The following RIPK2 variants were observed in gnomAD, a reference collection of about 807,000 sequenced individuals.
RIPK2 encodes receptor-interacting serine/threonine-protein kinase 2.
A neutral mutation model predicts 60.9 loss-of-function variants in RIPK2; 38 were observed. That is an observed-to-expected ratio of 0.62 (90% confidence interval 0.48 to 0.82). The LOEUF (loss-of-function observed/expected upper bound fraction) is 0.82, where lower values mean the gene tolerates loss of function less well. Among genes scored for constraint, RIPK2 ranks in the 40% least tolerant of loss-of-function variants. The pLI is 0.00. For missense variants in RIPK2, 518 were observed against 647.0 expected, an observed-to-expected ratio of 0.80 and a Z score of 2.16; for synonymous variants, 225 against 223.4, an observed-to-expected ratio of 1.01 and a Z score of -0.06.
At chr8:89,767,229 A>G (rs954518523) in intron 3 of RIPK2, among the ~76,000 whole-genome samples, 1 of 151,834 alleles carries the variant, frequency 6.6e-6, no homozygotes, top group Non-Finnish European at 1.5e-5. Context: ...CAGCTATACT[A>G]TATCTAACTG....
chr8:89,788,691 C>T (rs977220742), intron 9 of RIPK2, among the ~76,000 whole-genome samples: 6 of 151,956 alleles, frequency 3.9e-5, no homozygotes. Flanking sequence ...GCAGGAGAAT[C>T]GCTTGAACCT....
In RIPK2 at chr8:89,789,238, C is replaced by CT. The variant is rs139854363; in HGVS notation, c.1124-82dup. ...AACTAAAGACATTGGAGCCTACCTT[C>CT]TGTCTGCTCAGATGTTGACATGTTA... On this transcript the variant is annotated intron_variant, in intron 9 of 10. Transcript: ENST00000220751. The CT allele has an allele frequency of 1.3e-3, 1,564 of 1,173,726 alleles. 25 individuals are homozygous for CT. In the East Asian group the frequency reaches 0.033, roughly 25 times the overall value. The allele number at this position is 1,173,726 out of a possible 1,614,324, so 72.7% of individuals were successfully genotyped here.
chr8:89,771,310 A>T (rs1051106036), intron 4 of RIPK2, among the ~76,000 whole-genome samples: 9 of 151,904 alleles, frequency 5.9e-5, no homozygotes, highest in African/African-American at 2.2e-4. Context: ...TGTAATTGAC[A>T]TCTGAAGTTA....
chr8:89,776,429 T>C (rs2130567921), intron 6 of RIPK2, among the ~76,000 whole-genome samples: 1 of 152,352 alleles, frequency 6.6e-6, no homozygotes, highest in Non-Finnish European at 1.5e-5. Context: ...TCTATTAGCA[T>C]TTACTGTATT....
chr8:89,789,845 C>T (rs558347193), intron 10 of RIPK2, among the ~76,000 whole-genome samples: 20 of 152,068 alleles, frequency 1.3e-4, no homozygotes, highest in African/African-American at 4.8e-4. Flanking sequence ...GTTTTTGCCC[C>T]GTGATTTATA....
chr8:89,767,832 C>G (rs1490421070), intron 3 of RIPK2, among the ~76,000 whole-genome samples: 2 of 151,798 alleles, frequency 1.3e-5, no homozygotes, highest in African/African-American at 4.8e-5. Context: ...TAGCTATGAG[C>G]TGTCTCCCAA....
intron 8 of RIPK2, among the ~76,000 whole-genome samples, chr8:89,786,193 G>T (rs1809584130): frequency 6.6e-6 from 1 of 152,082 alleles, no homozygotes; most frequent in Non-Finnish European, 1.5e-5. Flanking sequence ...AGTTTTGTAG[G>T]TTGGGCACAA....
Position 89,765,363 on chromosome 8 carries a change from C to T in RIPK2, c.350C>T (p.Ala117Val). The change falls in exon 3 of 11, where the codon GCT becomes GTT. Residue 117 changes from alanine to valine, a missense_variant. Ala to Val is a moderately conservative substitution (Grantham distance 64). Around this residue, in one of 3 missense-constraint regions of RIPK2, gnomAD observed 448 missense variants for 534.7 expected, o/e 0.84. Transcript: ENST00000220751. ...LHRKTEYPDV[A>V]WPLRFRILHE... Reference sequence around the variant, plus strand: ...AAGAAAACTGAATATCCTGATGTTGCTTGGCCATTGAGATTTCGCATCCTG... The same window carrying T: ...AAGAAAACTGAATATCCTGATGTTGTTTGGCCATTGAGATTTCGCATCCTG... The T allele has an allele frequency of 6.2e-7, 1 of 1,609,232 alleles. No individual in the cohort carries two copies. The highest frequency in any genetic ancestry group is 8.5e-7 in the Non-Finnish European group (1 of 1,177,046).
intron 1 of RIPK2, 118 bp downstream of exon 1, chr8:89,758,351 G>C (rs1809086011): frequency 8.5e-6 from 9 of 1,060,448 alleles, no homozygotes; most frequent in South Asian, 3.2e-5. Context: ...GCCTCACCTC[G>C]TCACCTCTAG....
At chr8:89,759,846 G>A (rs1809116345) in intron 1 of RIPK2, among the ~76,000 whole-genome samples, 1 of 152,176 alleles carries the variant, frequency 6.6e-6, no homozygotes, top group Admixed American at 6.5e-5. Context: ...CTCCCACTTT[G>A]GGTGCTGCTT....
chr8:89,765,765 TA>T (rs1809218223), intron 3 of RIPK2, among the ~76,000 whole-genome samples: 1 of 151,600 alleles, frequency 6.6e-6, no homozygotes, highest in Non-Finnish European at 1.5e-5. Flanking sequence ...CTTTTTTTTT[TA>T]CTTTTTATTT....
chr8:89,779,917 A>ATGTC, intron 6 of RIPK2, among the ~76,000 whole-genome samples, 158 bp from the exon 7 acceptor site: 1 of 152,272 alleles, frequency 6.6e-6, no homozygotes, highest in South Asian at 2.1e-4. Context: ...ATTGTTGCTT[A>ATGTC]TGTCTATCTT....
At chr8:89,775,760 G>C (rs1809387251) in intron 6 of RIPK2, among the ~76,000 whole-genome samples, 1 of 152,128 alleles carries the variant, frequency 6.6e-6, no homozygotes, top group Non-Finnish European at 1.5e-5. Flanking sequence ...TCCCTCTCAT[G>C]GCTTCTATTT....
At chr8:89,763,732 G>A (rs1680015134) in intron 2 of RIPK2, among the ~76,000 whole-genome samples, 1 of 152,124 alleles carries the variant, frequency 6.6e-6, no homozygotes, top group Admixed American at 6.6e-5. Flanking sequence ...GAAAGTGGGT[G>A]CCACTGTCAG....
At position 89,758,114 on chromosome 8, in the gene RIPK2, C is replaced by A; in HGVS notation, c.54C>A (p.Leu18=). 6.2e-7 allele frequency: 1 copy of A among 1,605,854 alleles called. No homozygotes were observed. Reference sequence around the variant, plus strand: ...TGCCCACCATTCCCTACCACAAACTCGCCGACCTGCGCTACCTGAGCCGCG... The same window carrying A: ...TGCCCACCATTCCCTACCACAAACTAGCCGACCTGCGCTACCTGAGCCGCG... ...SALPTIPYHK[L]ADLRYLSRGA... Residue 18 remains leucine, a synonymous_variant, in exon 1 of 11, where the codon CTC becomes CTA. Coordinates refer to ENST00000220751, the MANE Select transcript of RIPK2 (RefSeq NM_003821.6).
Position 89,775,521 on chromosome 8 carries a change from G to GA in RIPK2, c.853+2699dup, listed in dbSNP as rs1268490905. On this transcript the variant is annotated intron_variant, in intron 6 of 10. Transcript: ENST00000220751. ...TTTATCTGGAAAAAATACTCTACTGGAAAAAATGATCCAGTAGAGAGTCAG... is the reference window on the plus strand; with the variant it reads ...TTTATCTGGAAAAAATACTCTACTGGAAAAAAATGATCCAGTAGAGAGTCAG... Among the ~76,000 whole-genome samples the GA allele has an allele frequency of 3.3e-5, 5 of 152,154 alleles. No homozygotes were observed. The South Asian group carries it at 6.2e-4, about 19-fold the overall frequency.
In RIPK2 at chr8:89,790,772, A is replaced by T. The variant is rs1212954762; in HGVS notation, c.*356A>T. ...TGTTACTTGTCTAAGATGCAATTTG[A>T]TTTTATGAAGTATATACCCTTTACC... On this transcript the variant is annotated 3_prime_UTR_variant, in exon 11 of 11. Transcript: ENST00000220751. 1 of 193,714 alleles carries T rather than the reference A, an allele frequency of 5.2e-6. No individual in the cohort carries two copies. Among genetic ancestry groups the T allele is most frequent in the Non-Finnish European group, 1.1e-5 (1 of 93,656 alleles). 12.0% of individuals were successfully genotyped at this position (193,714 alleles called of 1,614,324 possible).
At chr8:89,779,106 A>T (rs995638518) in intron 6 of RIPK2, among the ~76,000 whole-genome samples, 60 of 152,196 alleles carry the variant, frequency 3.9e-4, no homozygotes, top group African/African-American at 1.3e-3. Flanking sequence ...AGTGAAATTC[A>T]AATCTTTTAC....
chr8:89,759,281 A>T, intron 1 of RIPK2: 1 of 456,284 alleles, frequency 2.2e-6, no homozygotes, highest in Non-Finnish European at 4.4e-6. Context: ...ACTGTGTATT[A>T]GTCAATGGGT....
Sources: allele counts gnomAD v4.1 joint callset (sites outside exome capture counted in the v4.1 genomes callset), GRCh38; gene constraint gnomAD v4.1.1; regional missense constraint gnomAD v4.1.1; transcripts MANE v1.5; gene names NCBI Gene and HGNC (gene_info 2026-07-23, HGNC 2026-07-21).